The following SUGCT variants were observed in gnomAD, a reference collection of about 807,000 sequenced individuals.
The protein encoded by SUGCT is succinyl-CoA:glutarate-CoA transferase.
A neutral mutation model predicts 55.0 loss-of-function variants in SUGCT; 41 were observed. That is an observed-to-expected ratio of 0.74 (90% CI 0.58 to 0.97). The LOEUF is 0.97. Ranked by LOEUF, SUGCT falls within the 50% of genes least tolerant of loss-of-function variation. The pLI is 0.00. For synonymous variants in SUGCT, 187 were observed against 200.4 expected (o/e 0.93, Z 0.56); for missense variants, 568 against 547.8 (o/e 1.04, Z -0.37).
chr7:40,186,194 TC>T (rs1785496986), intron 3 of SUGCT, among the ~76,000 whole-genome samples: 1 of 137,858 alleles, frequency 7.3e-6, no homozygotes. Context: ...TTTTATTCCT[TC>T]CCCTCCCCTC....
chr7:40,411,079 T>C (rs893902274), intron 9 of SUGCT, among the ~76,000 whole-genome samples: 2 of 152,182 alleles, frequency 1.3e-5, no homozygotes, highest in Non-Finnish European at 2.9e-5. Context: ...CTTCTCACTT[T>C]TCTCTAACAC....
chr7:40,839,509 T>C (rs552534417), intron 13 of SUGCT, among the ~76,000 whole-genome samples: 1 of 152,350 alleles, frequency 6.6e-6, no homozygotes, highest in East Asian at 1.9e-4. Flanking sequence ...ATGTTTGGTA[T>C]AATTCTACAG....
intron 9 of SUGCT, among the ~76,000 whole-genome samples, chr7:40,339,115 C>G (rs540276313): frequency 4.6e-5 from 7 of 152,248 alleles, no homozygotes; most frequent in Admixed American, 4.6e-4. Flanking sequence ...GAAGCTTTGT[C>G]TCAGAGGGGT....
chr7:40,155,153 C>T (rs142180266), intron 1 of SUGCT, among the ~76,000 whole-genome samples: 2,559 of 152,064 alleles, frequency 0.017, 71 homozygotes, highest in African/African-American at 0.06. Flanking sequence ...GGTGTAGTGG[C>T]GCATGCCTGT....
chr7:40,175,157 T>C (rs1019165882), intron 1 of SUGCT, among the ~76,000 whole-genome samples: 1 of 152,190 alleles, frequency 6.6e-6, no homozygotes, highest in African/African-American at 2.4e-5. Context: ...CTTTATTTTT[T>C]AGCCTTTCGG....
chr7:40,646,048 C>A (rs560093658), intron 12 of SUGCT, among the ~76,000 whole-genome samples: 50 of 152,276 alleles, frequency 3.3e-4, no homozygotes, highest in African/African-American at 1.2e-3. Flanking sequence ...CCAGATACCC[C>A]CAACAAGATT....
chr7:40,560,600 G>A (rs1795785073), intron 12 of SUGCT, among the ~76,000 whole-genome samples: 1 of 152,180 alleles, frequency 6.6e-6, no homozygotes, highest in Admixed American at 6.5e-5. Context: ...AGAGTCCTGA[G>A]TAGAGATTAT....
chr7:40,142,901 G>T (rs532361868), intron 1 of SUGCT, among the ~76,000 whole-genome samples: 88 of 152,200 alleles, frequency 5.8e-4, no homozygotes, highest in Non-Finnish European at 1.1e-3. Flanking sequence ...ATAAATTGCT[G>T]TTGGTTGTAA....
At chr7:40,749,938 G>A (rs1446299914) in intron 13 of SUGCT, among the ~76,000 whole-genome samples, 1 of 152,148 alleles carries the variant, frequency 6.6e-6, no homozygotes, top group Non-Finnish European at 1.5e-5. Flanking sequence ...TCAGAACCGT[G>A]GTTTAAGGTG....
chr7:40,929,694 T>C, the SUGCT span, among the ~76,000 whole-genome samples: 2 of 152,228 alleles, frequency 1.3e-5, no homozygotes, highest in African/African-American at 4.8e-5. Context: ...TTTTTTCATG[T>C]GTCTCTTGGC....
downstream of SUGCT, among the ~76,000 whole-genome samples, chr7:40,863,573 C>G (rs966862478): frequency 6.6e-6 from 1 of 152,184 alleles, no homozygotes; most frequent in Non-Finnish European, 1.5e-5. Flanking sequence ...TCAGCCCCTT[C>G]TCATAACTGC....
chr7:40,472,060 GT>G (rs1211051531), intron 11 of SUGCT, among the ~76,000 whole-genome samples: 2 of 151,968 alleles, frequency 1.3e-5, no homozygotes, highest in African/African-American at 4.8e-5. Context: ...TTAGTGTTGC[GT>G]AAGACATAGT....
chr7:40,655,899 A>T (rs557435060), intron 12 of SUGCT, among the ~76,000 whole-genome samples: 2 of 152,200 alleles, frequency 1.3e-5, no homozygotes, highest in Non-Finnish European at 2.9e-5. Flanking sequence ...GTTGTAGGCT[A>T]TATTGAGCTT....
chr7:40,944,655 G>C, the SUGCT span, among the ~76,000 whole-genome samples: 1 of 152,178 alleles, frequency 6.6e-6, no homozygotes, highest in Non-Finnish European at 1.5e-5. Flanking sequence ...GTACCATGCT[G>C]TTTTGGTTAC....
chr7:40,162,486 C>T (rs1784224343), intron 1 of SUGCT, among the ~76,000 whole-genome samples: 1 of 151,618 alleles, frequency 6.6e-6, no homozygotes, highest in Non-Finnish European at 1.5e-5. Context: ...AAGTATTTTC[C>T]TTTTTTGTTA....
intron 7 of SUGCT, among the ~76,000 whole-genome samples, chr7:40,251,947 A>C (rs995169772): frequency 1.4e-4 from 21 of 151,980 alleles, no homozygotes; most frequent in African/African-American, 4.3e-4. Flanking sequence ...AAAAAAAAAA[A>C]CAAAGAAATA....
the SUGCT span, among the ~76,000 whole-genome samples, chr7:40,886,429 A>G: frequency 6.6e-6 from 1 of 152,202 alleles, no homozygotes; most frequent in Non-Finnish European, 1.5e-5. Flanking sequence ...CAGGGTATTC[A>G]TGAGTTGACA....
chr7:40,143,184 C>T (rs1035794730), intron 1 of SUGCT, among the ~76,000 whole-genome samples: 1 of 152,130 alleles, frequency 6.6e-6, no homozygotes, highest in African/African-American at 2.4e-5. Flanking sequence ...AATTATTTGG[C>T]AGAGTGTCCA....
At chr7:40,190,023 G>C (rs1785795336) in intron 5 of SUGCT, among the ~76,000 whole-genome samples, 1 of 152,162 alleles carries the variant, frequency 6.6e-6, no homozygotes, top group Non-Finnish European at 1.5e-5. Context: ...TCACTGGAAA[G>C]TCCAAGCTTT....
Sources: gnomAD v4.1 joint callset for allele counts (sites outside exome capture counted in the v4.1 genomes callset) on GRCh38, gnomAD v4.1.1 for gene constraint, MANE v1.5 for transcripts, NCBI Gene and HGNC (gene_info 2026-07-23, HGNC 2026-07-21) for gene names.